UNC5D: variants seen among roughly 807,000 people sequenced by gnomAD.
The protein encoded by UNC5D is netrin receptor UNC5D.
A neutral mutation model predicts 105.4 loss-of-function variants in UNC5D; 39 were observed. The ratio of observed to expected loss-of-function variants is 0.37; its 90% CI spans 0.29 to 0.48. UNC5D has a LOEUF of 0.48. Among genes scored for constraint, UNC5D ranks in the 20% least tolerant of loss-of-function variants. The pLI is 0.98. For synonymous variants in UNC5D, 452 were observed against 450.4 expected, an observed-to-expected ratio of 1.00 and a Z score of -0.04; for missense variants, 991 against 1,202.4, an observed-to-expected ratio of 0.82 and a Z score of 2.60.
Position 35,392,837 on chromosome 8 carries a change from G to T in UNC5D, c.104-156455G>T, listed in dbSNP as rs184311920. Among the ~76,000 whole-genome samples the T allele has an allele frequency of 1.4e-4, 21 of 152,282 alleles. No individual in the cohort carries two copies. The East Asian group carries it at 3.9e-3, about 28-fold the overall frequency. ...TGTTCATTGCAGCCTTTGGCCACTA[G>T]AATGGCTATCTCATGGTATAGATAA... On this transcript the variant is annotated intron_variant, in intron 1 of 16. Transcript: ENST00000404895.
chr8:35,463,225 G>A (rs1585899834), intron 1 of UNC5D, among the ~76,000 whole-genome samples: 1 of 152,194 alleles, frequency 6.6e-6, no homozygotes, highest in East Asian at 1.9e-4. Context: ...CTGTATCCCA[G>A]TATCTGTTCC....
At chr8:35,288,754 T>C (rs182336545) in intron 1 of UNC5D, among the ~76,000 whole-genome samples, 22 of 152,326 alleles carry the variant, frequency 1.4e-4, no homozygotes, top group Non-Finnish European at 2.9e-5. Flanking sequence ...TATATGCATG[T>C]AAAGGCAAGT....
intron 1 of UNC5D, among the ~76,000 whole-genome samples, chr8:35,451,294 C>T (rs866572991): frequency 3.3e-5 from 5 of 152,246 alleles, no homozygotes; most frequent in Non-Finnish European, 7.4e-5. Flanking sequence ...CCGCCTGCCT[C>T]AGCCTCCCAA....
intron 1 of UNC5D, among the ~76,000 whole-genome samples, chr8:35,485,166 G>C (rs1028239986): frequency 1.3e-5 from 2 of 152,112 alleles, no homozygotes; most frequent in African/African-American, 2.4e-5. Flanking sequence ...AAAGAAAGCA[G>C]GACAGGCAAG....
chr8:35,327,775 T>C (rs1000250026), intron 1 of UNC5D, among the ~76,000 whole-genome samples: 1 of 152,158 alleles, frequency 6.6e-6, no homozygotes, highest in African/African-American at 2.4e-5. Flanking sequence ...TGAGTTAAAG[T>C]TCCAAGCTCC....
At chr8:35,772,901 C>T (rs1288160485) in intron 15 of UNC5D, among the ~76,000 whole-genome samples, 1 of 151,072 alleles carries the variant, frequency 6.6e-6, no homozygotes. Context: ...AGAGGTCACT[C>T]AGCTCCCAGA....
In UNC5D at chr8:35,748,605, C is replaced by T. The variant is rs780110308; in HGVS notation, c.1845C>T (p.Pro615=). 30 of 1,613,996 alleles carry T rather than the reference C, an allele frequency of 1.9e-5. No individual in the cohort carries two copies. Among genetic ancestry groups the T allele is most frequent in the Middle Eastern group, 3.3e-4 (2 of 6,084 alleles). Residue 615 remains proline, a synonymous_variant, in exon 12 of 17, where the codon CCC becomes CCT. Transcript: ENST00000404895. ...CTCCAGACATGATCGTCACCACTCC[C>T]TTTGCATTGACCATCCCGCACTGTG... ...CGPPDMIVTT[P]FALTIPHCAD...
intron 1 of UNC5D, among the ~76,000 whole-genome samples, chr8:35,505,142 A>G (rs1311427576): frequency 6.6e-6 from 1 of 152,234 alleles, no homozygotes; most frequent in African/African-American, 2.4e-5. Flanking sequence ...CGTAATCAAG[A>G]AATATATACA....
chr8:35,374,329 A>C (rs1446225151), intron 1 of UNC5D, among the ~76,000 whole-genome samples: 2 of 152,214 alleles, frequency 1.3e-5, no homozygotes, highest in African/African-American at 2.4e-5. Flanking sequence ...GGTGAAAAGA[A>C]GTTGGAGGAA....
intron 16 of UNC5D, among the ~76,000 whole-genome samples, chr8:35,789,137 CTATATATATATATATATATA>C (rs58201859): frequency 0.043 from 1,385 of 32,472 alleles, 56 homozygotes; most frequent in Non-Finnish European, 0.073. Context: ...GGAGAAAAGA[CTATATATATATATATATATA>C]TATATATATA....
intron 3 of UNC5D, among the ~76,000 whole-genome samples, chr8:35,575,505 A>G (rs1415125202): frequency 2.6e-5 from 4 of 152,132 alleles, no homozygotes; most frequent in Non-Finnish European, 5.9e-5. Context: ...ATGGGAATGG[A>G]AGTTAGGAAG....
chr8:35,483,212 A>G (rs149039919), intron 1 of UNC5D, among the ~76,000 whole-genome samples: 194 of 152,118 alleles, frequency 1.3e-3, no homozygotes, highest in African/African-American at 4.4e-3. Context: ...TCAGATTTAT[A>G]TGGTTACAGC....
chr8:35,406,901 C>T (rs563918272), intron 1 of UNC5D, among the ~76,000 whole-genome samples: 6 of 152,120 alleles, frequency 3.9e-5, no homozygotes, highest in East Asian at 3.9e-4. Flanking sequence ...GTATGATGCA[C>T]GTATAGATGG....
chr8:35,257,803 T>C (rs919895694), intron 1 of UNC5D, among the ~76,000 whole-genome samples: 2 of 152,222 alleles, frequency 1.3e-5, no homozygotes, highest in African/African-American at 2.4e-5. Context: ...TTGCAGATCC[T>C]ATTTTATTAA....
At chr8:35,511,377 T>C (rs1021131817) in intron 1 of UNC5D, among the ~76,000 whole-genome samples, 26 of 150,898 alleles carry the variant, frequency 1.7e-4, no homozygotes, top group Admixed American at 4.6e-4. Flanking sequence ...TGTGTTTCTA[T>C]AGTCCTAGCC....
chr8:35,640,139 A>G lies in UNC5D; in HGVS notation c.571-43408A>G, dbSNP rs1012108978. ...TTTTAATTTTTTTTTAATGAAAGCA[A>G]AAAGAGTGATTTCTGCTAATTGCGA... On this transcript the variant is annotated intron_variant, in intron 4 of 16. Transcript: ENST00000404895. Among the ~76,000 whole-genome samples, 14 of 152,226 alleles carry G rather than the reference A, an allele frequency of 9.2e-5. No homozygotes were observed. The East Asian group carries it at 2.7e-3, about 29-fold the overall frequency.
Position 35,545,920 on chromosome 8 carries a change from GTC to G in UNC5D, c.104-3364_104-3363del, listed in dbSNP as rs757886008. ...TTTATTTATTTTTGAAATAGGGTCTGTCTCTCTCTGTCACCCAGGCTGGAGTG... is the reference window on the plus strand; with the variant it reads ...TTTATTTATTTTTGAAATAGGGTCTGTCTCTCTGTCACCCAGGCTGGAGTG... On this transcript the variant is annotated intron_variant, in intron 1 of 16. Coordinates refer to ENST00000404895, the MANE Select transcript of UNC5D (RefSeq NM_080872.4). Among the ~76,000 whole-genome samples the G allele has an allele frequency of 1.2e-4, 18 of 151,982 alleles. No individual in the cohort carries two copies. In the East Asian group the frequency reaches 1.7e-3, roughly 15 times the overall value.
intron 1 of UNC5D, among the ~76,000 whole-genome samples, chr8:35,535,940 A>G (rs1483735153): frequency 6.6e-6 from 1 of 152,202 alleles, no homozygotes; most frequent in East Asian, 1.9e-4. Flanking sequence ...ACCTGGAAGA[A>G]TATAGAAGCT....
intron 9 of UNC5D, among the ~76,000 whole-genome samples, chr8:35,723,463 G>A (rs1282119208): frequency 6.6e-6 from 1 of 152,154 alleles, no homozygotes; most frequent in Non-Finnish European, 1.5e-5. Context: ...GGAGTGCAGT[G>A]GTGCAATCAT....
Sources: allele counts gnomAD v4.1 joint callset (sites outside exome capture counted in the v4.1 genomes callset), GRCh38; gene constraint gnomAD v4.1.1; transcripts MANE v1.5; gene names NCBI Gene and HGNC (gene_info 2026-07-23, HGNC 2026-07-21).